Variants in CHRM3 observed in about 807,000 individuals in gnomAD.
CHRM3 encodes the protein muscarinic acetylcholine receptor M3.
CHRM3 carries 11 observed loss-of-function variants against 41.8 expected under a neutral mutation model. The ratio of observed to expected loss-of-function variants is 0.26; its 90% CI spans 0.17 to 0.44. The LOEUF (loss-of-function observed/expected upper bound fraction) is 0.44, where lower values mean the gene tolerates loss of function less well. CHRM3 is among the 20% of genes least tolerant of loss of function. The pLI is 1.00. For synonymous variants in CHRM3, 297 were observed against 301.4 expected (o/e 0.99, Z 0.15); for missense variants, 571 against 745.4 (o/e 0.77, Z 2.72).
At chr1:239,694,764 A>T (rs1660025179) in intron 5 of CHRM3, among the ~76,000 whole-genome samples, 1 of 152,224 alleles carries the variant, frequency 6.6e-6, no homozygotes, top group Non-Finnish European at 1.5e-5. Context: ...TCCTAAAATT[A>T]TCACACTAAT....
chr1:239,574,553 T>A (rs1662150136), intron 3 of CHRM3, among the ~76,000 whole-genome samples: 1 of 152,094 alleles, frequency 6.6e-6, no homozygotes, highest in South Asian at 2.1e-4. Context: ...GAGCAGCCTG[T>A]CCTCCTTCCT....
chr1:239,591,608 A>G (rs952619496), intron 3 of CHRM3, among the ~76,000 whole-genome samples: 2 of 143,230 alleles, frequency 1.4e-5, no homozygotes, highest in East Asian at 2.5e-4. Context: ...TTGGAGATGA[A>G]AAAAAAAAAA....
intron 3 of CHRM3, among the ~76,000 whole-genome samples, chr1:239,618,828 A>G (rs1231330134): frequency 4.5e-5 from 6 of 133,776 alleles, no homozygotes; most frequent in Non-Finnish European, 9.5e-5. Context: ...TGGGAGACAG[A>G]GCGAGACTCT....
At chr1:239,623,383 A>C (rs903971910) in intron 3 of CHRM3, among the ~76,000 whole-genome samples, 62 of 150,696 alleles carry the variant, frequency 4.1e-4, no homozygotes, top group African/African-American at 1.4e-3. Context: ...TGTCCTTGCG[A>C]TAGTTTGCTG....
chr1:239,513,490 T>C (rs1669060952), intron 2 of CHRM3, among the ~76,000 whole-genome samples: 1 of 152,218 alleles, frequency 6.6e-6, no homozygotes, highest in Non-Finnish European at 1.5e-5. Flanking sequence ...TTCTTATAGT[T>C]GAATTTTAAG....
intron 1 of CHRM3, among the ~76,000 whole-genome samples, chr1:239,419,891 T>C (rs907048685): frequency 6.6e-6 from 1 of 152,218 alleles, no homozygotes; most frequent in Non-Finnish European, 1.5e-5. Flanking sequence ...TATTTACACC[T>C]TTCTCTCATT....
intron 5 of CHRM3, among the ~76,000 whole-genome samples, chr1:239,753,421 C>A (rs1301730836): frequency 6.6e-6 from 1 of 152,116 alleles, no homozygotes; most frequent in Non-Finnish European, 1.5e-5. Context: ...AGGAAACTTA[C>A]AATCATGGCA....
chr1:239,664,007 G>A (rs1350058233), intron 4 of CHRM3, among the ~76,000 whole-genome samples: 1 of 152,110 alleles, frequency 6.6e-6, no homozygotes, highest in Non-Finnish European at 1.5e-5. Flanking sequence ...TCTTCATCAG[G>A]AAACCAAGTT....
At chr1:239,832,871 C>T (rs955844167) in intron 6 of CHRM3, among the ~76,000 whole-genome samples, 136 of 152,232 alleles carry the variant, frequency 8.9e-4, no homozygotes, top group Non-Finnish European at 1.9e-4. Flanking sequence ...GATATCAGGA[C>T]GCTCCTGAGT....
rs924491564 is a variant in CHRM3 at position 239,600,952 on chromosome 1, A to G, written c.-312-31272A>G. On this transcript the variant is annotated intron_variant, in intron 3 of 6. Coordinates refer to ENST00000676153, the MANE Select transcript of CHRM3 (RefSeq NM_001375978.1). The stretch of plus-strand genomic sequence containing the variant: ...ATGTGTTTTCTCCATATAGTGCAAC[A>G]AAGTCCATTTGAGATTTTTAAACCC... 2.0e-5 allele frequency among the ~76,000 whole-genome samples: 3 copies of G among 152,170 alleles called. No individual in the cohort carries two copies. The South Asian group carries it at 6.2e-4, about 32-fold the overall frequency.
At chr1:239,619,231 T>C (rs1470903531) in intron 3 of CHRM3, among the ~76,000 whole-genome samples, 1 of 152,106 alleles carries the variant, frequency 6.6e-6, no homozygotes, top group East Asian at 1.9e-4. Flanking sequence ...CTCTTTTTTA[T>C]AACATATAGT....
At chr1:239,714,326 C>T (rs1662122453) in intron 5 of CHRM3, 1 of 152,184 alleles carries the variant, frequency 6.6e-6, no homozygotes, top group African/African-American at 2.4e-5. Flanking sequence ...TGATACTGCA[C>T]CTAACTCACA....
chr1:239,861,166 G>A (rs1489329562), intron 6 of CHRM3, among the ~76,000 whole-genome samples: 3 of 152,018 alleles, frequency 2.0e-5, no homozygotes, highest in Non-Finnish European at 4.4e-5. Flanking sequence ...ATTTGATGTT[G>A]TGCAAAAACA....
chr1:239,531,632 A>G (rs1572620012), intron 2 of CHRM3, among the ~76,000 whole-genome samples: 1 of 134,446 alleles, frequency 7.4e-6, no homozygotes. Context: ...TAATCTCTCT[A>G]GAATGGATTT....
chr1:239,487,004 T>C lies in CHRM3; in HGVS notation c.-520-5705T>C, dbSNP rs562373422. On this transcript the variant is annotated intron_variant, in intron 1 of 6. Coordinates refer to ENST00000676153, the MANE Select transcript of CHRM3 (RefSeq NM_001375978.1). ...ATTTTGACATTTATTGCAATTCCAA[T>C]TTCTAGATAGAACTTATTGAGAGAA... 2.2e-4 allele frequency among the ~76,000 whole-genome samples: 34 copies of C among 152,348 alleles called. No individual in the cohort carries two copies. In the South Asian group the frequency reaches 7.0e-3, roughly 32 times the overall value.
chr1:239,657,357 C>G (rs914050424), intron 4 of CHRM3, among the ~76,000 whole-genome samples: 2 of 152,172 alleles, frequency 1.3e-5, no homozygotes, highest in Non-Finnish European at 2.9e-5. Flanking sequence ...AATACTATTT[C>G]ACTCAGTTTG....
chr1:239,821,203 C>T (rs1672016517), intron 5 of CHRM3, among the ~76,000 whole-genome samples: 1 of 152,148 alleles, frequency 6.6e-6, no homozygotes. Flanking sequence ...ATGGTGTTTC[C>T]AACATCCAGG....
intron 4 of CHRM3, among the ~76,000 whole-genome samples, chr1:239,633,260 C>T (rs958840090): frequency 6.6e-5 from 10 of 152,150 alleles, no homozygotes; most frequent in Non-Finnish European, 5.9e-5. Flanking sequence ...CGTGAGCCAC[C>T]GCACCCAGCT....
At chr1:239,602,108 G>GTATATATATA (rs1293974734) in intron 3 of CHRM3, among the ~76,000 whole-genome samples, 45 of 129,372 alleles carry the variant, frequency 3.5e-4, no homozygotes, top group African/African-American at 1.3e-3. Flanking sequence ...GTGTGTGTGT[G>GTATATATATA]TGTATATATA....
Sources: allele counts gnomAD v4.1 joint callset (sites outside exome capture counted in the v4.1 genomes callset), GRCh38; gene constraint gnomAD v4.1.1; transcripts MANE v1.5; gene names NCBI Gene and HGNC (gene_info 2026-07-23, HGNC 2026-07-21).